Variants in IL1RAPL2 observed in about 807,000 individuals in gnomAD.
IL1RAPL2 encodes the protein X-linked interleukin-1 receptor accessory protein-like 2.
In IL1RAPL2, 3 loss-of-function variants were observed where a neutral mutation model predicts 44.1. That is an observed-to-expected ratio of 0.07 (90% CI 0.03 to 0.18). IL1RAPL2 has a LOEUF of 0.18. Among genes scored for constraint, IL1RAPL2 ranks in the 10% least tolerant of loss-of-function variants. The pLI is 1.00. For synonymous variants in IL1RAPL2, 181 were observed against 178.8 expected (o/e 1.01, Z -0.10); for missense variants, 391 against 496.4 (o/e 0.79, Z 2.02).
At chrX:105,466,422 C>T (rs1206420976) in intron 5 of IL1RAPL2, among the ~76,000 whole-genome samples, 1 of 111,293 alleles carries the variant, frequency 9.0e-6, no homozygotes, top group African/African-American at 3.3e-5. Flanking sequence ...TTCAGGATGG[C>T]AGAACAGTCT....
At chrX:105,751,148 C>A (rs376515974) in intron 9 of IL1RAPL2, among the ~76,000 whole-genome samples, 4 of 110,203 alleles carry the variant, frequency 3.6e-5, no homozygotes, top group African/African-American at 1.3e-4. Flanking sequence ...GTGGTGCATG[C>A]CTTTGGTACC....
chrX:104,945,338 C>T (rs1333158222), intron 2 of IL1RAPL2, among the ~76,000 whole-genome samples: 5 of 110,788 alleles, frequency 4.5e-5, no homozygotes, highest in African/African-American at 6.6e-5. Flanking sequence ...AGAGTGTTCA[C>T]GTTCACAAAT....
At chrX:105,221,859 T>G (rs782138250) in intron 3 of IL1RAPL2, among the ~76,000 whole-genome samples, 2 of 111,380 alleles carry the variant, frequency 1.8e-5, no homozygotes, top group African/African-American at 3.3e-5. Flanking sequence ...TACCTACCCT[T>G]CATACCGACC....
chrX:105,342,315 TAAAAG>T (rs780511214), intron 5 of IL1RAPL2, among the ~76,000 whole-genome samples: 1,688 of 111,401 alleles, frequency 0.015, 36 homozygotes, highest in African/African-American at 0.052. Context: ...ATAATAATAA[TAAAAG>T]AAAAGAAAAA....
intron 2 of IL1RAPL2, among the ~76,000 whole-genome samples, chrX:104,911,405 A>G (rs760397917): frequency 1.3e-3 from 151 of 111,855 alleles, no homozygotes; most frequent in Non-Finnish European, 2.6e-3. Context: ...CCATTAGACA[A>G]TTATTACTCA....
At chrX:105,323,168 C>A (rs571181650) in intron 5 of IL1RAPL2, among the ~76,000 whole-genome samples, 1 of 112,068 alleles carries the variant, frequency 8.9e-6, no homozygotes, top group African/African-American at 3.2e-5. Context: ...CTAAAGAAAT[C>A]TCATGTGGTG....
intron 6 of IL1RAPL2, among the ~76,000 whole-genome samples, chrX:105,696,201 A>G (rs575360468): frequency 8.9e-6 from 1 of 112,531 alleles, no homozygotes; most frequent in Non-Finnish European, 1.9e-5. Flanking sequence ...AACGAGAATC[A>G]TAGATGACTG....
intron 2 of IL1RAPL2, among the ~76,000 whole-genome samples, chrX:104,717,826 A>G (rs769698347): frequency 8.5e-4 from 92 of 108,346 alleles, no homozygotes; most frequent in Non-Finnish European, 1.6e-3. Context: ...TCATTGTTCA[A>G]TTCCCACCTA....
intron 1 of IL1RAPL2, among the ~76,000 whole-genome samples, chrX:104,635,611 A>G (rs776353896): frequency 4.5e-5 from 5 of 111,629 alleles, no homozygotes; most frequent in Admixed American, 3.8e-4. Flanking sequence ...CATCACTGAT[A>G]CCCTTTCTTC....
chrX:104,908,704 T>C (rs1191641986), intron 2 of IL1RAPL2, among the ~76,000 whole-genome samples: 1 of 110,297 alleles, frequency 9.1e-6, no homozygotes, highest in African/African-American at 3.3e-5. Context: ...CCTTTGAGGG[T>C]AACCCGACCT....
intron 2 of IL1RAPL2, among the ~76,000 whole-genome samples, chrX:105,014,333 A>ATTATAC (rs756870335): frequency 0.063 from 6,909 of 109,472 alleles, 586 homozygotes; most frequent in African/African-American, 0.22. Context: ...CCTTTTCTAT[A>ATTATAC]TTTAAGTTCT....
chrX:104,882,462 G>C (rs1402528985), intron 2 of IL1RAPL2, among the ~76,000 whole-genome samples: 1 of 112,162 alleles, frequency 8.9e-6, no homozygotes, highest in Non-Finnish European at 1.9e-5. Flanking sequence ...ATGGTAATGA[G>C]AGGTGAAGCC....
intron 2 of IL1RAPL2, among the ~76,000 whole-genome samples, chrX:105,169,569 GTCTTGGCTCACTGCAACCTCCACT>G (rs1320699125): frequency 3.2e-5 from 3 of 94,300 alleles, no homozygotes; most frequent in East Asian, 3.2e-4. Flanking sequence ...CAGTGGTGCG[GTCTTGGCTCACTGCAACCTCCACT>G]TCTTGGCTCA....
intron 2 of IL1RAPL2, among the ~76,000 whole-genome samples, chrX:105,041,565 C>T (rs1241311858): frequency 1.8e-5 from 2 of 109,413 alleles, no homozygotes; most frequent in East Asian, 2.9e-4. Context: ...CACTGCTCAA[C>T]GAAATAAAAG....
chrX:105,553,912 G>T (rs2036877702), intron 6 of IL1RAPL2, among the ~76,000 whole-genome samples: 1 of 112,609 alleles, frequency 8.9e-6, no homozygotes, highest in Non-Finnish European at 1.9e-5. Flanking sequence ...CTCTGTAATT[G>T]TACAGGTCCT....
intron 2 of IL1RAPL2, among the ~76,000 whole-genome samples, chrX:105,070,789 A>G (rs2032197795): frequency 9.0e-6 from 1 of 110,538 alleles, no homozygotes. Flanking sequence ...ATACAGAACA[A>G]AACATGAAAA....
At chrX:105,391,910 C>G (rs1329044655) in intron 5 of IL1RAPL2, among the ~76,000 whole-genome samples, 2 of 86,515 alleles carry the variant, frequency 2.3e-5, no homozygotes, top group Non-Finnish European at 4.4e-5. Context: ...AAACCAAACA[C>G]CGCATATTCT....
chrX:104,909,345 G>C (rs1358880340), intron 2 of IL1RAPL2, among the ~76,000 whole-genome samples: 2 of 111,997 alleles, frequency 1.8e-5, no homozygotes, highest in African/African-American at 3.2e-5. Flanking sequence ...CTCTCAGCTC[G>C]TCAAAGTCAT....
At chrX:105,126,590 C>G (rs1357695381) in intron 2 of IL1RAPL2, among the ~76,000 whole-genome samples, 2 of 111,255 alleles carry the variant, frequency 1.8e-5, no homozygotes, top group Non-Finnish European at 3.8e-5. Flanking sequence ...AAGCTAGTTT[C>G]TTTTGTTAAG....
Sources: gnomAD v4.1 joint callset for allele counts (sites outside exome capture counted in the v4.1 genomes callset) on GRCh38, gnomAD v4.1.1 for gene constraint, MANE v1.5 for transcripts, NCBI Gene and HGNC (gene_info 2026-07-23, HGNC 2026-07-21) for gene names.